PAK5: variants seen among roughly 807,000 people sequenced by gnomAD.
PAK5 encodes the protein p21 (RAC1) activated kinase 5, also known as serine/threonine-protein kinase PAK 5.
A neutral mutation model predicts 65.9 loss-of-function variants in PAK5; 16 were observed. The ratio of observed to expected loss-of-function variants is 0.24; its 90% CI spans 0.16 to 0.37. The LOEUF (loss-of-function observed/expected upper bound fraction) is 0.37, where lower values mean the gene tolerates loss of function less well. PAK5 is among the 10% of genes least tolerant of loss of function. The pLI is 1.00. For synonymous variants in PAK5, 371 were observed against 354.9 expected (o/e 1.05, Z -0.51); for missense variants, 785 against 903.9 (o/e 0.87, Z 1.69).
chr20:9,704,510 G>T (rs1021639031), intron 2 of PAK5, among the ~76,000 whole-genome samples: 1 of 152,062 alleles, frequency 6.6e-6, no homozygotes, highest in African/African-American at 2.4e-5. Flanking sequence ...GCCTGCCAGG[G>T]TTTATTTTTA....
At chr20:9,738,822 G>A (rs1214820889) in intron 1 of PAK5, among the ~76,000 whole-genome samples, 1 of 148,190 alleles carries the variant, frequency 6.7e-6, no homozygotes, top group Non-Finnish European at 1.5e-5. Flanking sequence ...GGCAGTTTGT[G>A]TGTGTGTGTG....
chr20:9,673,101 C>T (rs2047522947), intron 2 of PAK5, among the ~76,000 whole-genome samples: 1 of 152,140 alleles, frequency 6.6e-6, no homozygotes. Flanking sequence ...CATTAAGTGA[C>T]AGACATAGAA....
intron 3 of PAK5, among the ~76,000 whole-genome samples, chr20:9,603,854 C>T (rs2046403478): frequency 6.6e-6 from 1 of 152,102 alleles, no homozygotes; most frequent in Non-Finnish European, 1.5e-5. Flanking sequence ...AAAAGCTGTG[C>T]CTCTGAACCC....
intron 2 of PAK5, among the ~76,000 whole-genome samples, chr20:9,687,080 T>C (rs1158419739): frequency 3.9e-5 from 6 of 152,198 alleles, no homozygotes; most frequent in Non-Finnish European, 7.3e-5. Context: ...AGAGAGCTGC[T>C]CTTGGGGACT....
At chr20:9,762,840 A>C (rs903674933) in intron 1 of PAK5, among the ~76,000 whole-genome samples, 3 of 152,200 alleles carry the variant, frequency 2.0e-5, no homozygotes, top group South Asian at 2.1e-4. Context: ...CATTACACAT[A>C]ATAGCCAAGA....
intron 1 of PAK5, among the ~76,000 whole-genome samples, chr20:9,832,178 T>C (rs969540708): frequency 7.9e-5 from 12 of 152,098 alleles, no homozygotes; most frequent in African/African-American, 2.9e-4. Context: ...CAATTTTACC[T>C]GCATCTACTT....
At chr20:9,549,534 G>T (rs1450666754) in intron 7 of PAK5, among the ~76,000 whole-genome samples, 1 of 152,050 alleles carries the variant, frequency 6.6e-6, no homozygotes, top group African/African-American at 2.4e-5. Flanking sequence ...TGAAAATCTT[G>T]CAATATTTTA....
At chr20:9,702,339 G>A (rs1374260272) in intron 2 of PAK5, among the ~76,000 whole-genome samples, 1 of 152,050 alleles carries the variant, frequency 6.6e-6, no homozygotes, top group Non-Finnish European at 1.5e-5. Flanking sequence ...CCCCAGTAGA[G>A]GCCCTAAGGA....
At chr20:9,581,330 TA>T (rs112621012) in intron 3 of PAK5, among the ~76,000 whole-genome samples, 3 of 152,308 alleles carry the variant, frequency 2.0e-5, no homozygotes, top group African/African-American at 7.2e-5. Context: ...TGTTTGGTAA[TA>T]AAAAATAATA....
intron 3 of PAK5, among the ~76,000 whole-genome samples, chr20:9,627,955 G>T (rs1018516914): frequency 6.6e-6 from 1 of 152,150 alleles, no homozygotes; most frequent in African/African-American, 2.4e-5. Flanking sequence ...AGAACTCTGA[G>T]AACTCACACT....
intron 1 of PAK5, among the ~76,000 whole-genome samples, chr20:9,768,569 G>A (rs571589959): frequency 6.6e-6 from 1 of 152,278 alleles, no homozygotes; most frequent in African/African-American, 2.4e-5. Flanking sequence ...GATCACTTGA[G>A]ATGAGGAGTT....
At chr20:9,775,664 A>G (rs1173693996) in intron 1 of PAK5, among the ~76,000 whole-genome samples, 3 of 152,244 alleles carry the variant, frequency 2.0e-5, no homozygotes, top group African/African-American at 7.2e-5. Flanking sequence ...TTACAATCAT[A>G]TGCTTTTTAC....
intron 1 of PAK5, among the ~76,000 whole-genome samples, chr20:9,823,881 C>G (rs547507121): frequency 3.6e-4 from 54 of 149,360 alleles, no homozygotes; most frequent in African/African-American, 1.2e-3. Context: ...TGAGAAAATA[C>G]TTTTTACCTT....
At chr20:9,773,675 G>A (rs1292220778) in intron 1 of PAK5, among the ~76,000 whole-genome samples, 1 of 152,212 alleles carries the variant, frequency 6.6e-6, no homozygotes, top group Non-Finnish European at 1.5e-5. Context: ...CAAGTCCGTA[G>A]GCATCAGAGT....
At chr20:9,723,081 A>G (rs1022886854) in intron 1 of PAK5, among the ~76,000 whole-genome samples, 4 of 152,152 alleles carry the variant, frequency 2.6e-5, no homozygotes, top group African/African-American at 9.7e-5. Context: ...TAAAACGAGG[A>G]AGCCATTGAC....
intron 1 of PAK5, among the ~76,000 whole-genome samples, chr20:9,742,560 C>T (rs1446980783): frequency 1.3e-5 from 2 of 152,186 alleles, no homozygotes; most frequent in Non-Finnish European, 2.9e-5. Flanking sequence ...TCTGTTCAAA[C>T]TGCAGACATT....
chr20:9,581,664 T>C (rs527373373), intron 3 of PAK5, among the ~76,000 whole-genome samples: 21 of 152,302 alleles, frequency 1.4e-4, no homozygotes, highest in Middle Eastern at 3.4e-3. Context: ...GTAATGATGG[T>C]TGCACCTGGA....
At chr20:9,818,589 A>G (rs2049384763) in intron 1 of PAK5, 1 of 152,228 alleles carries the variant, frequency 6.6e-6, no homozygotes, top group Non-Finnish European at 1.5e-5. Flanking sequence ...GAAAGCAAAT[A>G]TATCTGAACA....
intron 1 of PAK5, among the ~76,000 whole-genome samples, chr20:9,728,349 C>T (rs1442099175): frequency 1.3e-5 from 2 of 152,082 alleles, no homozygotes; most frequent in Non-Finnish European, 2.9e-5. Flanking sequence ...TGTTATAGTG[C>T]ACAAATAAAC....
Sources: gnomAD v4.1 joint callset for allele counts (sites outside exome capture counted in the v4.1 genomes callset) on GRCh38, gnomAD v4.1.1 for gene constraint, MANE v1.5 for transcripts, NCBI Gene and HGNC (gene_info 2026-07-23, HGNC 2026-07-21) for gene names.